TNNT1: variants seen among roughly 807,000 people sequenced by gnomAD.
TNNT1 encodes troponin T1, slow skeletal type, also known as troponin T, slow skeletal muscle.
In TNNT1, 53 loss-of-function variants were observed where a neutral mutation model predicts 50.6. That is an observed-to-expected ratio of 1.05 (90% CI 0.84 to 1.32). TNNT1 has a LOEUF of 1.32. TNNT1 is among the 40% of genes most tolerant of loss of function. The probability of loss-of-function intolerance (pLI) is 0.00; values close to 1 mark genes in which losing one functional copy is unlikely to be tolerated. For missense variants in TNNT1, 348 were observed against 381.7 expected (o/e 0.91, Z 0.74); for synonymous variants, 142 against 138.0 (o/e 1.03, Z -0.20).
At chr19:55,146,341 G>C in intron 5 of TNNT1, 93 bp downstream of exon 5, 6 of 876,196 alleles carry the variant, frequency 6.8e-6, no homozygotes, top group Non-Finnish European at 9.6e-6. Context: ...GCGGAGGGAG[G>C]GAAGGGTGGT....
At chr19:55,135,500 G>A (rs1316924996) in intron 11 of TNNT1, 1 of 313,876 alleles carries the variant, frequency 3.2e-6, no homozygotes, top group Non-Finnish European at 6.2e-6. Context: ...AACCTCTCAG[G>A]CTCTAGTGAT....
chr19:55,133,453 G>A (rs1168767607), intron 13 of TNNT1: 2 of 303,326 alleles, frequency 6.6e-6, no homozygotes, highest in African/African-American at 4.4e-5. Flanking sequence ...GCCAAGGCGG[G>A]TGGATCACGA....
intron 1 of TNNT1, 119 bp downstream of exon 1, chr19:55,149,042 G>T: frequency 2.4e-6 from 1 of 418,818 alleles, no homozygotes. Context: ...ACCTCCAGTT[G>T]TATGCCCCAC....
intron 9 of TNNT1, among the ~76,000 whole-genome samples, chr19:55,139,822 A>G (rs542916974): frequency 6.6e-6 from 1 of 151,600 alleles, no homozygotes; most frequent in Non-Finnish European, 1.5e-5. Context: ...AATAATAATA[A>G]TAGTAATAAT....
chr19:55,143,104 G>A (rs1209231264), intron 6 of TNNT1, among the ~76,000 whole-genome samples: 3 of 151,212 alleles, frequency 2.0e-5, no homozygotes, highest in Admixed American at 2.0e-4. Context: ...CGGAGGCAGA[G>A]ATTGCAGTGA....
chr19:55,132,869 C>A lies in TNNT1; in HGVS notation c.*46G>T. On this transcript the variant is annotated 3_prime_UTR_variant, in exon 14 of 14. Transcript: ENST00000588981. The stretch of plus-strand genomic sequence containing the variant: ...CGTTTATTTCAAGCTACCGATGGGA[C>A]AAACACTCCCAGGCTTCCCAGGTGC... 1 of 1,571,376 alleles carries A rather than the reference C, an allele frequency of 6.4e-7. No individual in the cohort carries two copies. The highest frequency in any genetic ancestry group is 1.2e-5 in the South Asian group (1 of 85,762).
chr19:55,136,508 T>C (rs552600093), intron 11 of TNNT1, among the ~76,000 whole-genome samples: 2 of 152,224 alleles, frequency 1.3e-5, no homozygotes, highest in South Asian at 4.1e-4. Flanking sequence ...GTGCGCAAGA[T>C]CACAAAGTAG....
chr19:55,133,577 C>T (rs942181269), intron 13 of TNNT1: 12 of 466,734 alleles, frequency 2.6e-5, no homozygotes, highest in African/African-American at 4.0e-5. Context: ...ACTCAGGGGG[C>T]TGAGGCAGGA....
chr19:55,134,710 G>GGGAAAGAAAAGGAAGAA, intron 11 of TNNT1, among the ~76,000 whole-genome samples: 2 of 37,566 alleles, frequency 5.3e-5, no homozygotes, highest in Non-Finnish European at 1.1e-4. Flanking sequence ...GAGGGGAGAG[G>GGGAAAGAAAAGGAAGAA]AGAAGAGGGG....
intron 1 of TNNT1, among the ~76,000 whole-genome samples, chr19:55,148,722 A>G (rs533774489): frequency 6.6e-6 from 1 of 151,922 alleles, no homozygotes; most frequent in Admixed American, 6.6e-5. Flanking sequence ...CATGCTTTCT[A>G]TCATAATGTC....
In TNNT1 at chr19:55,138,039, C is replaced by T. The variant is rs768299703; in HGVS notation, c.423G>A (p.Lys141=). The change falls in exon 10 of 14, where the codon AAG becomes AAA. Residue 141 remains lysine (K), a synonymous_variant. Transcript: ENST00000588981. ...TCTTGGCATCATCCTCTGCCCGCTTCTTGGCCTCTTCCTCTTCCTTCCTCA... is the reference window on the plus strand; with the variant it reads ...TCTTGGCATCATCCTCTGCCCGCTTTTTGGCCTCTTCCTCTTCCTTCCTCA... The part of the protein sequence containing the change: ...EKMRKEEEEA[K]KRAEDDAKKK... 1 of 1,614,220 alleles carries T rather than the reference C, an allele frequency of 6.2e-7. No homozygotes were observed. The highest frequency in any genetic ancestry group is 8.5e-7 in the Non-Finnish European group (1 of 1,180,038).
chr19:55,142,696 T>C (rs1234224271), intron 6 of TNNT1, among the ~76,000 whole-genome samples: 7 of 151,298 alleles, frequency 4.6e-5, no homozygotes, highest in Non-Finnish European at 1.0e-4. Context: ...TACAGGCGCC[T>C]GCCACCACGC....
At chr19:55,145,661 G>C in intron 5 of TNNT1, 96 bp from the exon 6 acceptor site, 1 of 1,407,602 alleles carries the variant, frequency 7.1e-7, no homozygotes, top group Non-Finnish European at 1.0e-6. Flanking sequence ...CCCAAGCCTC[G>C]GCCCCCAGGA....
intron 3 of TNNT1, 105 bp from the exon 4 acceptor site, chr19:55,146,812 G>C: frequency 1.7e-6 from 2 of 1,155,816 alleles, no homozygotes; most frequent in Non-Finnish European, 1.2e-6. Flanking sequence ...GGTCCCTCTG[G>C]CCTCGGCTGC....
chr19:55,141,381 G>A (rs2147255421), intron 7 of TNNT1, 79 bp from the exon 8 acceptor site: 1 of 1,065,428 alleles, frequency 9.4e-7, no homozygotes, highest in East Asian at 2.4e-5. Context: ...CATGCAGGAT[G>A]GTGAACTGAA....
chr19:55,148,368 A>G (rs2085619769), intron 1 of TNNT1, among the ~76,000 whole-genome samples: 1 of 151,808 alleles, frequency 6.6e-6, no homozygotes. Flanking sequence ...CATAAAGGGC[A>G]CCTTCTGTCC....
In TNNT1 at chr19:55,146,673, G is replaced by C; in HGVS notation, c.73+8C>G. On this transcript the variant is annotated splice_region_variant and intron_variant, in intron 4 of 13. Transcript: ENST00000588981. ...CCAGCTCCAGACCTGCGGAGTCCGG[G>C]ACCTCACCTTCCTCCTCCTCCTCCG... The C allele has an allele frequency of 6.7e-7, 1 of 1,496,568 alleles. No homozygotes were observed. The highest frequency in any genetic ancestry group is 8.9e-7 in the Non-Finnish European group (1 of 1,118,980). 92.7% of individuals were successfully genotyped at this position (1,496,568 alleles called of 1,614,324 possible). A position where few individuals can be genotyped will look rare whatever the true frequency, so the allele number is the denominator to read the frequency against.
Position 55,137,148 on chromosome 19 carries a change from C to T in TNNT1, c.566G>A (p.Arg189His), listed in dbSNP as rs770079408. ...GTAGTCAATGTCCAGAGGCTTCTTA[C>T]GCTCGGAGAGGATGCGCACCTTCAT... ...REMKVRILSE[R>H]KKPLDIDYMG... Residue 189 changes from arginine to histidine, a missense_variant, in exon 11 of 14, where the codon CGT becomes CAT. This residue lies in a region of TNNT1 where 253 missense variants were observed against 291.8 expected (regional missense o/e 0.87). Transcript: ENST00000588981. 69 of 1,519,274 alleles carry T rather than the reference C, an allele frequency of 4.5e-5. No homozygotes were observed. The highest frequency in any genetic ancestry group is 4.8e-5 in the Non-Finnish European group (54 of 1,120,462). 94.1% of individuals were successfully genotyped at this position (1,519,274 alleles called of 1,614,324 possible).
intron 11 of TNNT1, 126 bp from the exon 12 acceptor site, chr19:55,134,330 T>A: frequency 1.0e-6 from 1 of 971,680 alleles, no homozygotes; most frequent in Non-Finnish European, 1.5e-6. Context: ...CCGAGAGTTT[T>A]AAAATCTGTG....
Sources: gnomAD v4.1 joint callset for allele counts (sites outside exome capture counted in the v4.1 genomes callset) on GRCh38, gnomAD v4.1.1 for gene constraint, gnomAD v4.1.1 regional missense constraint, MANE v1.5 for transcripts, NCBI Gene and HGNC (gene_info 2026-07-23, HGNC 2026-07-21) for gene names.